BDP1: variants seen among roughly 807,000 people sequenced by gnomAD.
BDP1 encodes transcription factor TFIIIB component B'' homolog.
Under a neutral mutation model 266.6 loss-of-function variants are expected in BDP1, and 169 were observed. The observed-to-expected ratio is 0.63, with a 90% confidence interval of 0.56 to 0.72. BDP1 has a LOEUF of 0.72. BDP1 is among the 30% of genes least tolerant of loss of function. The pLI, the probability that BDP1 is intolerant of heterozygous loss-of-function variation, is 0.00. For missense variants in BDP1, 3,015 were observed against 3,053.8 expected (o/e 0.99, Z 0.30); for synonymous variants, 1,090 against 1,022.4 (o/e 1.07, Z -1.26).
rs569284652 is a variant in BDP1 at position 71,476,734 on chromosome 5, C to T, written c.1014+6245C>T. Among the ~76,000 whole-genome samples the T allele has an allele frequency of 3.2e-4, 49 of 151,838 alleles. 1 individual carries two copies. The highest frequency in any genetic ancestry group is 5.7e-4 in the Non-Finnish European group (39 of 67,958). Reference sequence around the variant, plus strand: ...TTTTCTTTTTTTTGAGATGGAGTCTCGCTCTGTCACCCAGGCTGGAGTGCA... The same window carrying T: ...TTTTCTTTTTTTTGAGATGGAGTCTTGCTCTGTCACCCAGGCTGGAGTGCA... On this transcript the variant is annotated intron_variant, in intron 7 of 38. Transcript: ENST00000358731.
chr5:71,485,215 T>C (rs1380739752), intron 8 of BDP1, among the ~76,000 whole-genome samples: 1 of 152,204 alleles, frequency 6.6e-6, no homozygotes, highest in Non-Finnish European at 1.5e-5. Context: ...CAGGAGTCGC[T>C]GAGGCAGGAG....
At chr5:71,504,958 A>T (rs1158482839) in intron 16 of BDP1, among the ~76,000 whole-genome samples, 1 of 152,218 alleles carries the variant, frequency 6.6e-6, no homozygotes, top group Non-Finnish European at 1.5e-5. Flanking sequence ...AAAGCTACTC[A>T]TCGTAAATTA....
At position 71,535,659 on chromosome 5, in the gene BDP1, G is replaced by A. The variant is rs556473658; in HGVS notation, c.5892+3232G>A. 9.2e-5 allele frequency among the ~76,000 whole-genome samples: 14 copies of A among 152,142 alleles called. 1 individual carries two copies. The South Asian group carries it at 2.9e-3, about 32-fold the overall frequency. ...TTAGAGTCTAGAAGTCTAAAATCAA[G>A]GTGTCACCAATGTTGGTTCCTTCTG... On this transcript the variant is annotated intron_variant, in intron 26 of 38. Coordinates refer to ENST00000358731, the MANE Select transcript of BDP1 (RefSeq NM_018429.3).
chr5:71,525,431 G>A (rs868081755), intron 25 of BDP1, among the ~76,000 whole-genome samples: 3 of 132,404 alleles, frequency 2.3e-5, no homozygotes, highest in Admixed American at 7.4e-5. Flanking sequence ...GCGGCTGGCC[G>A]GGCGGGGGGC....
At chr5:71,562,172 T>C in intron 37 of BDP1, 102 bp from the exon 38 acceptor site, 2 of 1,192,158 alleles carry the variant, frequency 1.7e-6, no homozygotes. Context: ...CACTCCAGCC[T>C]GGGTGAGAGT....
chr5:71,541,474 C>A lies in BDP1; in HGVS notation c.6043C>A (p.His2015Asn). The change falls in exon 29 of 39, where the codon CAT (histidine) becomes AAT (asparagine). Residue 2015 changes from histidine (H) to asparagine (N), a missense_variant. By Grantham distance (68) the His-to-Asn change is moderately conservative. Transcript: ENST00000358731. The part of the protein sequence containing the change: ...QGDVGVCIIP[H>N]VHSKDKSHIP... ...TTCAGTAGGAGTATGTATAATTCCTCATGTTCATTCAAAGGATAAAAGCCA... is the reference window on the plus strand; with the variant it reads ...TTCAGTAGGAGTATGTATAATTCCTAATGTTCATTCAAAGGATAAAAGCCA... The A allele has an allele frequency of 1.4e-6, 2 of 1,477,154 alleles. No individual in the cohort carries two copies. Among genetic ancestry groups the A allele is most frequent in the Non-Finnish European group, 1.9e-6 (2 of 1,076,108 alleles). 91.5% of individuals were successfully genotyped at this position (1,477,154 alleles called of 1,614,324 possible). A position where few individuals can be genotyped will look rare whatever the true frequency, so the allele number is the denominator to read the frequency against.
chr5:71,497,354 G>A lies in BDP1; in HGVS notation c.1884G>A (p.Lys628=), dbSNP rs2150428008. The change falls in exon 13 of 39, where the codon AAG becomes AAA. Residue 628 remains lysine (K), a synonymous_variant. Coordinates refer to ENST00000358731, the MANE Select transcript of BDP1 (RefSeq NM_018429.3). ...AACCCAATTTGTCAAGGGCTGGGAA[G>A]AAATCAGTTCTTTCACAAGGCAAAA... ...RPKPNLSRAG[K]KSVLSQGKTE... 1 of 1,613,804 alleles carries A rather than the reference G, an allele frequency of 6.2e-7. No homozygotes were observed. Among genetic ancestry groups the A allele is most frequent in the East Asian group, 2.2e-5 (1 of 44,838 alleles).
chr5:71,567,753 T>G lies in BDP1; in HGVS notation c.*2868T>G, dbSNP rs1744116145. 6.6e-6 allele frequency: 1 copy of G among 152,536 alleles called. No homozygotes were observed. The highest frequency in any genetic ancestry group is 1.9e-4 in the East Asian group (1 of 5,196). The allele number at this position is 152,536 out of a possible 1,614,324, so 9.4% of individuals were successfully genotyped here. A position where few individuals can be genotyped will look rare whatever the true frequency, so the allele number is the denominator to read the frequency against. On this transcript the variant is annotated 3_prime_UTR_variant, in exon 39 of 39. Coordinates refer to ENST00000358731, the MANE Select transcript of BDP1 (RefSeq NM_018429.3). ...AAAGCAATATCATGTCATTTATAAATTTTCTTGTTCTAAAGAAAGCAGTTA... is the reference window on the plus strand; with the variant it reads ...AAAGCAATATCATGTCATTTATAAAGTTTCTTGTTCTAAAGAAAGCAGTTA...
downstream of BDP1, among the ~76,000 whole-genome samples, chr5:71,568,113 C>G (rs991308546): frequency 6.6e-6 from 1 of 152,158 alleles, no homozygotes; most frequent in East Asian, 1.9e-4. Flanking sequence ...CCACCACACT[C>G]CAGCCTGGAT....
chr5:71,460,857 T>C (rs1379497651), intron 2 of BDP1, among the ~76,000 whole-genome samples: 2 of 142,404 alleles, frequency 1.4e-5, no homozygotes, highest in African/African-American at 5.1e-5. Context: ...ATACACAGAA[T>C]TTCAAGTCAC....
At chr5:71,542,598 G>A (rs1767039048) in intron 30 of BDP1, among the ~76,000 whole-genome samples, 1 of 152,088 alleles carries the variant, frequency 6.6e-6, no homozygotes, top group Admixed American at 6.6e-5. Flanking sequence ...TAGGCTGGGT[G>A]CAGTGACTCA....
At position 71,522,300 on chromosome 5, in the gene BDP1, A is replaced by C; in HGVS notation, c.5003A>C (p.Lys1668Thr). 1.9e-6 allele frequency: 3 copies of C among 1,612,236 alleles called. No individual in the cohort carries two copies. Among genetic ancestry groups the C allele is most frequent in the Non-Finnish European group, 1.7e-6 (2 of 1,179,424 alleles). ...KTNETIRHEN[K>T]PYVPSSAQMT... Reference sequence around the variant, plus strand: ...ATACTTCATTCTAGACATGAAAATAAACCGTATGTTCCTAGTTCAGCACAA... The same window carrying C: ...ATACTTCATTCTAGACATGAAAATACACCGTATGTTCCTAGTTCAGCACAA... The change falls in exon 23 of 39, where the codon AAA becomes ACA. Residue 1668 changes from lysine (K) to threonine (T), a missense_variant. This residue lies in a region of BDP1 where 2,383 missense variants were observed against 2,404.9 expected (regional missense o/e 0.99). Transcript: ENST00000358731.
intron 21 of BDP1, among the ~76,000 whole-genome samples, chr5:71,517,010 T>C (rs1765258687): frequency 6.6e-6 from 1 of 152,246 alleles, no homozygotes; most frequent in East Asian, 1.9e-4. Context: ...TTCTCTGAAC[T>C]AGGCATCCTT....
chr5:71,551,285 G>C (rs1742733491), intron 34 of BDP1, among the ~76,000 whole-genome samples: 1 of 152,112 alleles, frequency 6.6e-6, no homozygotes, highest in Non-Finnish European at 1.5e-5. Flanking sequence ...GTGTCCCTGG[G>C]TACTTGAGAT....
At chr5:71,574,472 C>T in the BDP1 span, among the ~76,000 whole-genome samples, 1 of 152,166 alleles carries the variant, frequency 6.6e-6, no homozygotes, top group African/African-American at 2.4e-5. Context: ...ACATTGGTTC[C>T]TTCACCCCAG....
chr5:71,549,606 G>C lies in BDP1; in HGVS notation c.6995G>C (p.Ser2332Thr). ...SVNTEERGDM[S>T]ICLPATSVGQ... ...AATACCGAAGAAAGGGGTGACATGAGGTAACGAATGAGTGAAACTGTTTTT... is the reference window on the plus strand; with the variant it reads ...AATACCGAAGAAAGGGGTGACATGACGTAACGAATGAGTGAAACTGTTTTT... The change falls in exon 34 of 39, where the codon AGT becomes ACT. Residue 2332 changes from serine (S) to threonine (T), a missense_variant and splice_region_variant. Transcript: ENST00000358731. 6.3e-7 allele frequency: 1 copy of C among 1,590,684 alleles called. No homozygotes were observed. Among genetic ancestry groups the C allele is most frequent in the Non-Finnish European group, 8.6e-7 (1 of 1,168,050 alleles).
chr5:71,485,731 T>C (rs551701079), intron 8 of BDP1, among the ~76,000 whole-genome samples: 1 of 152,340 alleles, frequency 6.6e-6, no homozygotes, highest in East Asian at 1.9e-4. Flanking sequence ...TTAGTGGGCA[T>C]GTTCCTGATT....
chr5:71,493,176 C>T (rs1763690557), intron 11 of BDP1, among the ~76,000 whole-genome samples: 1 of 152,202 alleles, frequency 6.6e-6, no homozygotes. Context: ...TCCTAGGTGA[C>T]AGATAATCTA....
At position 71,458,672 on chromosome 5, in the gene BDP1, T is replaced by A. The variant is rs753658909; in HGVS notation, c.306T>A (p.Ser102=). The A allele has an allele frequency of 5.6e-6, 9 of 1,613,984 alleles. No individual in the cohort carries two copies. The highest frequency in any genetic ancestry group is 5.9e-6 in the Non-Finnish European group (7 of 1,179,938). Residue 102 remains serine (S), a synonymous_variant, in exon 2 of 39, where the codon TCT becomes TCA. Coordinates refer to ENST00000358731, the MANE Select transcript of BDP1 (RefSeq NM_018429.3). ...SQRRKRISST[S]SLVKSSVSVP... The stretch of plus-strand genomic sequence containing the variant: ...GAAGAAAGCGAATATCAAGTACTTC[T>A]AGCCTGGTTAAGTCTAGTGTCAGTG...
Sources: allele counts gnomAD v4.1 joint callset (sites outside exome capture counted in the v4.1 genomes callset), GRCh38; gene constraint gnomAD v4.1.1; regional missense constraint gnomAD v4.1.1; transcripts MANE v1.5; gene names NCBI Gene and HGNC (gene_info 2026-07-23, HGNC 2026-07-21).